BANK1: variants seen among roughly 807,000 people sequenced by gnomAD.
The protein encoded by BANK1 is B cell scaffold protein with ankyrin repeats 1, also known as B-cell scaffold protein with ankyrin repeats.
BANK1 carries 95 observed loss-of-function variants against 94.5 expected under a neutral mutation model. That is an observed-to-expected ratio of 1.00 (90% CI 0.85 to 1.19). BANK1 has a LOEUF of 1.19. BANK1 is among the 50% of genes most tolerant of loss of function. The probability of loss-of-function intolerance (pLI) is 0.00; values close to 1 mark genes in which losing one functional copy is unlikely to be tolerated. For missense variants in BANK1, 987 were observed against 932.2 expected (o/e 1.06, Z -0.77); for synonymous variants, 334 against 308.4 (o/e 1.08, Z -0.87).
intron 7 of BANK1, among the ~76,000 whole-genome samples, chr4:101,991,787 G>A (rs1298629631): frequency 6.6e-6 from 1 of 152,198 alleles, no homozygotes; most frequent in African/African-American, 2.4e-5. Context: ...CTATGGATTT[G>A]TCTATGTGTA....
intron 7 of BANK1, among the ~76,000 whole-genome samples, chr4:101,961,487 T>A (rs1457640486): frequency 2.0e-5 from 3 of 152,222 alleles, no homozygotes; most frequent in Non-Finnish European, 4.4e-5. Flanking sequence ...ATATTTGTTT[T>A]GGTCATTCTC....
At chr4:101,835,315 C>T (rs1432101458) in intron 2 of BANK1, among the ~76,000 whole-genome samples, 2 of 152,122 alleles carry the variant, frequency 1.3e-5, no homozygotes, top group African/African-American at 2.4e-5. Flanking sequence ...GGCCTCTGTC[C>T]TCCCTTGTTC....
intron 5 of BANK1, among the ~76,000 whole-genome samples, chr4:101,882,099 A>G (rs1319189359): frequency 6.6e-6 from 1 of 152,182 alleles, no homozygotes; most frequent in Non-Finnish European, 1.5e-5. Context: ...AACACAAAGG[A>G]TAAATGCTTG....
intron 4 of BANK1, among the ~76,000 whole-genome samples, chr4:101,865,042 G>A (rs1362308752): frequency 1.3e-5 from 2 of 152,098 alleles, no homozygotes; most frequent in Non-Finnish European, 2.9e-5. Context: ...ACTTGATCAG[G>A]GGCAGGAAGA....
Position 101,918,033 on chromosome 4 carries a change from A to C in BANK1, c.1050A>C (p.Ala350=), listed in dbSNP as rs1308107552. The part of the protein sequence containing the change: ...FKELPTLLHC[A]AKFGLKNLAI... ...AACTTCCAACTCTTCTCCACTGTGCAGCAAAATTTGGCTTAAAGAACCTGG... is the reference window on the plus strand; with the variant it reads ...AACTTCCAACTCTTCTCCACTGTGCCGCAAAATTTGGCTTAAAGAACCTGG... The change falls in exon 7 of 17, where the codon GCA becomes GCC. Residue 350 remains alanine (A), a synonymous_variant. Coordinates refer to ENST00000322953, the MANE Select transcript of BANK1 (RefSeq NM_017935.5). The C allele has an allele frequency of 6.2e-7, 1 of 1,611,624 alleles. No individual in the cohort carries two copies. Among genetic ancestry groups the C allele is most frequent in the South Asian group, 1.1e-5 (1 of 90,872 alleles).
chr4:102,050,843 A>T (rs1560709178), intron 11 of BANK1, among the ~76,000 whole-genome samples: 1 of 152,178 alleles, frequency 6.6e-6, no homozygotes. Context: ...GCTAATGAAA[A>T]CTATTCAAAT....
At chr4:101,989,469 A>T (rs1367699288) in intron 7 of BANK1, among the ~76,000 whole-genome samples, 1 of 150,942 alleles carries the variant, frequency 6.6e-6, no homozygotes, top group Non-Finnish European at 1.5e-5. Context: ...TCTTGAATTT[A>T]AAAACCAGAA....
Position 102,030,034 on chromosome 4 carries a change from G to T in BANK1, c.1669G>T (p.Glu557Ter). Reference sequence around the variant, plus strand: ...TGGTGTTAGACAAGAAACAGGAGATGAACCCAAAGGAGAAAAAGAGAAGAA... The same window carrying T: ...TGGTGTTAGACAAGAAACAGGAGATTAACCCAAAGGAGAAAAAGAGAAGAA... ...HPGVRQETGD[E>*]PKGEKEKKEE... Residue 557 changes from glutamate (E) to a stop codon, truncating the protein, a stop_gained, in exon 10 of 17, where the codon GAA becomes TAA. Coordinates refer to ENST00000322953, the MANE Select transcript of BANK1 (RefSeq NM_017935.5). LOFTEE classifies it high-confidence loss of function. 1.2e-6 allele frequency: 2 copies of T among 1,613,850 alleles called. No individual in the cohort carries two copies. Among genetic ancestry groups the T allele is most frequent in the Non-Finnish European group, 1.7e-6 (2 of 1,179,886 alleles).
chr4:101,942,495 T>A (rs1230428180), intron 7 of BANK1, among the ~76,000 whole-genome samples: 7 of 151,900 alleles, frequency 4.6e-5, no homozygotes, highest in Admixed American at 4.6e-4. Context: ...AGTGCACACA[T>A]CTTGACAATG....
intron 5 of BANK1, among the ~76,000 whole-genome samples, chr4:101,877,900 A>G (rs1027994701): frequency 1.5e-3 from 227 of 152,282 alleles, no homozygotes; most frequent in African/African-American, 5.3e-3. Context: ...AAATAAATAA[A>G]ATAGTACTTT....
intron 7 of BANK1, among the ~76,000 whole-genome samples, chr4:102,019,717 G>T (rs1726825933): frequency 2.0e-5 from 3 of 152,036 alleles, no homozygotes; most frequent in Admixed American, 2.0e-4. Context: ...ATTAGATCTG[G>T]CATGTTTTTC....
At chr4:101,879,995 T>C (rs1728618852) in intron 5 of BANK1, among the ~76,000 whole-genome samples, 2 of 151,778 alleles carry the variant, frequency 1.3e-5, no homozygotes, top group South Asian at 4.2e-4. Context: ...ACTGAATGGG[T>C]AAAAACTCAA....
chr4:101,916,609 A>G (rs1722837348), intron 6 of BANK1, among the ~76,000 whole-genome samples: 1 of 152,016 alleles, frequency 6.6e-6, no homozygotes, highest in African/African-American at 2.4e-5. Flanking sequence ...ACTCTGCACA[A>G]ACAAATGTAT....
intron 11 of BANK1, among the ~76,000 whole-genome samples, chr4:102,056,162 C>A (rs1465446396): frequency 6.6e-6 from 1 of 152,134 alleles, no homozygotes; most frequent in African/African-American, 2.4e-5. Flanking sequence ...TACAAACACT[C>A]CCTCATCCTA....
intron 1 of BANK1, among the ~76,000 whole-genome samples, chr4:101,823,714 G>C (rs1246438601): frequency 1.3e-5 from 2 of 152,096 alleles, no homozygotes; most frequent in African/African-American, 2.4e-5. Context: ...CCCTTCCATG[G>C]TTGCTCTATG....
intron 6 of BANK1, among the ~76,000 whole-genome samples, chr4:101,913,495 A>G (rs1175895058): frequency 1.3e-5 from 2 of 152,210 alleles, no homozygotes; most frequent in Admixed American, 6.5e-5. Context: ...ACCTCCACAC[A>G]TGGACCGCAA....
intron 1 of BANK1, among the ~76,000 whole-genome samples, chr4:101,820,365 A>G (rs953954760): frequency 6.6e-6 from 1 of 152,220 alleles, no homozygotes; most frequent in Non-Finnish European, 1.5e-5. Context: ...AACTCTAGTT[A>G]CTGATTCAAG....
chr4:101,827,722 T>C (rs989193278), intron 1 of BANK1, among the ~76,000 whole-genome samples: 6 of 151,994 alleles, frequency 3.9e-5, no homozygotes, highest in African/African-American at 1.4e-4. Flanking sequence ...TGATTACAGT[T>C]ACACTTTCAT....
intron 3 of BANK1, among the ~76,000 whole-genome samples, chr4:101,859,648 G>A (rs780845209): frequency 5.9e-5 from 9 of 152,180 alleles, no homozygotes; most frequent in Non-Finnish European, 1.0e-4. Flanking sequence ...GTAATTAAGA[G>A]CCAGTGCTTA....
Sources: allele counts gnomAD v4.1 joint callset (sites outside exome capture counted in the v4.1 genomes callset), GRCh38; gene constraint gnomAD v4.1.1; transcripts MANE v1.5; gene names NCBI Gene and HGNC (gene_info 2026-07-23, HGNC 2026-07-21).